The following ANKS1B variants were observed in gnomAD, a reference collection of about 807,000 sequenced individuals.
The protein encoded by ANKS1B is ankyrin repeat and sterile alpha motif domain-containing protein 1B.
In ANKS1B, 36 loss-of-function variants were observed where a neutral mutation model predicts 148.3. The ratio of observed to expected loss-of-function variants is 0.24; its 90% confidence interval spans 0.19 to 0.32. ANKS1B has a LOEUF of 0.32. Ranked by LOEUF, ANKS1B falls within the 10% of genes least tolerant of loss-of-function variation. The pLI, the probability that ANKS1B is intolerant of heterozygous loss-of-function variation, is 1.00. For missense variants in ANKS1B, 1,157 were observed against 1,542.6 expected, an observed-to-expected ratio of 0.75 and a Z score of 4.19; for synonymous variants, 542 against 560.8, an observed-to-expected ratio of 0.97 and a Z score of 0.47.
At chr12:99,436,108 T>C (rs1046638851) in intron 11 of ANKS1B, among the ~76,000 whole-genome samples, 1 of 152,076 alleles carries the variant, frequency 6.6e-6, no homozygotes, top group Non-Finnish European at 1.5e-5. Context: ...CTTCTTTGGC[T>C]CTTTCCTTCA....
intron 25 of ANKS1B, among the ~76,000 whole-genome samples, chr12:98,765,345 A>G (rs191853360): frequency 2.7e-5 from 4 of 149,972 alleles, no homozygotes; most frequent in African/African-American, 9.8e-5. Flanking sequence ...GCTCACTGCA[A>G]CCTCTGCCTC....
intron 11 of ANKS1B, among the ~76,000 whole-genome samples, chr12:99,423,057 A>C (rs550167000): frequency 1.3e-5 from 2 of 152,324 alleles, no homozygotes; most frequent in South Asian, 4.1e-4. Flanking sequence ...AGTGAGGATT[A>C]AATTATCTGA....
intron 20 of ANKS1B, among the ~76,000 whole-genome samples, chr12:98,805,710 G>A (rs1039941396): frequency 1.3e-5 from 2 of 152,154 alleles, no homozygotes; most frequent in African/African-American, 2.4e-5. Flanking sequence ...GTGGTAAATA[G>A]CTGCAAATTT....
At chr12:99,135,819 A>C (rs555550562) in intron 15 of ANKS1B, among the ~76,000 whole-genome samples, 31 of 152,338 alleles carry the variant, frequency 2.0e-4, no homozygotes, top group African/African-American at 7.2e-4. Context: ...AGTGGATTCA[A>C]TGGAGGACTG....
intron 1 of ANKS1B, among the ~76,000 whole-genome samples, chr12:99,832,802 T>C (rs985080993): frequency 3.3e-5 from 5 of 151,624 alleles, no homozygotes; most frequent in Admixed American, 1.3e-4. Flanking sequence ...ATTAGTCCAA[T>C]AGCTGAGAAT....
chr12:99,384,182 G>A (rs1296656937), intron 12 of ANKS1B, among the ~76,000 whole-genome samples: 1 of 152,110 alleles, frequency 6.6e-6, no homozygotes, highest in Non-Finnish European at 1.5e-5. Context: ...TTTATTGACT[G>A]AATAAATAAT....
At chr12:98,919,445 G>A (rs1335838948) in intron 17 of ANKS1B, among the ~76,000 whole-genome samples, 2 of 152,138 alleles carry the variant, frequency 1.3e-5, no homozygotes, top group African/African-American at 4.8e-5. Flanking sequence ...TTTGTGCTCT[G>A]TATACAACCT....
At chr12:99,377,009 CCTAT>C (rs1162876872) in intron 12 of ANKS1B, among the ~76,000 whole-genome samples, 1 of 151,652 alleles carries the variant, frequency 6.6e-6, no homozygotes, top group African/African-American at 2.4e-5. Flanking sequence ...CACCCACACA[CCTAT>C]CTTTTTTTTT....
rs544267510 is a variant in ANKS1B, at chr12:99,515,019, AAAC to A, written c.1273-10381_1273-10379del. ...TGGCCTCTATCATTTAAAAAAAAAA[AAAC>A]TTTTAAATATGCAACTTTTGTGGGT... On this transcript the variant is annotated intron_variant, in intron 9 of 26. Transcript: ENST00000683438. 4.6e-3 allele frequency among the ~76,000 whole-genome samples: 695 copies of A among 152,058 alleles called. 3 individuals are homozygous for A. The highest frequency in any genetic ancestry group is 0.015 in the African/African-American group (629 of 41,510).
intron 8 of ANKS1B, among the ~76,000 whole-genome samples, chr12:99,696,325 G>A (rs1448708387): frequency 2.6e-5 from 4 of 152,078 alleles, no homozygotes; most frequent in Non-Finnish European, 5.9e-5. Flanking sequence ...ATTCCTACTC[G>A]ATTTCAAGGT....
At chr12:99,500,976 C>G (rs558640590) in intron 10 of ANKS1B, among the ~76,000 whole-genome samples, 3 of 152,162 alleles carry the variant, frequency 2.0e-5, no homozygotes, top group Admixed American at 2.0e-4. Flanking sequence ...GCTTAATTTC[C>G]AGTTCACTAT....
intron 17 of ANKS1B, among the ~76,000 whole-genome samples, chr12:98,960,539 C>A (rs1445031754): frequency 6.6e-6 from 1 of 152,108 alleles, no homozygotes; most frequent in Non-Finnish European, 1.5e-5. Flanking sequence ...AGAATGGGTA[C>A]AAACGAGCCC....
intron 8 of ANKS1B, among the ~76,000 whole-genome samples, chr12:99,687,621 A>G (rs1373930896): frequency 2.0e-5 from 3 of 152,174 alleles, no homozygotes; most frequent in East Asian, 1.9e-4. Flanking sequence ...AATCTCATCT[A>G]GTACACTTTT....
intron 1 of ANKS1B, among the ~76,000 whole-genome samples, chr12:99,977,043 G>A (rs566876154): frequency 6.6e-6 from 1 of 152,230 alleles, no homozygotes; most frequent in African/African-American, 2.4e-5. Flanking sequence ...ATTTTGTGAG[G>A]AGCCTCCCAT....
At chr12:99,482,827 T>C (rs2096433433) in intron 10 of ANKS1B, among the ~76,000 whole-genome samples, 1 of 152,044 alleles carries the variant, frequency 6.6e-6, no homozygotes, top group African/African-American at 2.4e-5. Flanking sequence ...TGTTGGTGTA[T>C]AGCAGTGCTA....
At chr12:99,575,534 A>G (rs1282164421) in intron 9 of ANKS1B, among the ~76,000 whole-genome samples, 2 of 152,154 alleles carry the variant, frequency 1.3e-5, no homozygotes, top group Non-Finnish European at 2.9e-5. Flanking sequence ...CCTCACAATT[A>G]TGGTGGAAGA....
intron 12 of ANKS1B, among the ~76,000 whole-genome samples, chr12:99,306,409 A>T (rs904642201): frequency 2.0e-5 from 3 of 152,064 alleles, no homozygotes; most frequent in African/African-American, 4.8e-5. Flanking sequence ...CTGAATATTT[A>T]GAAAGTGTTT....
intron 12 of ANKS1B, among the ~76,000 whole-genome samples, chr12:99,318,960 T>C (rs2084700060): frequency 6.6e-6 from 1 of 152,206 alleles, no homozygotes; most frequent in African/African-American, 2.4e-5. Context: ...GGTTGTTCAG[T>C]TTCCATGTAG....
chr12:99,875,909 G>A (rs12813133), intron 1 of ANKS1B, among the ~76,000 whole-genome samples: 21,755 of 152,132 alleles, frequency 0.14, 1,953 homozygotes, highest in Non-Finnish European at 0.2. Context: ...ATAAGGGCTA[G>A]GAAGTATCAA....
Sources: gnomAD v4.1 joint callset for allele counts (sites outside exome capture counted in the v4.1 genomes callset) on GRCh38, gnomAD v4.1.1 for gene constraint, MANE v1.5 for transcripts, NCBI Gene and HGNC (gene_info 2026-07-23, HGNC 2026-07-21) for gene names.